The following ENOX1 variants were observed in gnomAD, a reference collection of about 807,000 sequenced individuals.
The protein encoded by ENOX1 is ecto-NOX disulfide-thiol exchanger 1.
Under a neutral mutation model 82.5 loss-of-function variants are expected in ENOX1, and 42 were observed. That is an observed-to-expected ratio of 0.51 (90% confidence interval 0.40 to 0.66). ENOX1 has a LOEUF of 0.66. Among genes scored for constraint, ENOX1 ranks in the 30% least tolerant of loss-of-function variants. ENOX1 has a pLI of 0.00. For synonymous variants in ENOX1, 271 were observed against 282.2 expected (o/e 0.96, Z 0.40); for missense variants, 608 against 811.6 (o/e 0.75, Z 3.05).
At chr13:43,366,368 G>A (rs1193761454) in intron 5 of ENOX1, among the ~76,000 whole-genome samples, 1 of 151,972 alleles carries the variant, frequency 6.6e-6, no homozygotes, top group African/African-American at 2.4e-5. Flanking sequence ...TCCGCCTCCT[G>A]GGTTCATGCC....
intron 3 of ENOX1, among the ~76,000 whole-genome samples, chr13:43,477,964 G>C (rs2058354433): frequency 6.6e-6 from 1 of 151,872 alleles, no homozygotes; most frequent in Non-Finnish European, 1.5e-5. Flanking sequence ...ACTGGGTGCT[G>C]GGGGACTCCA....
intron 2 of ENOX1, among the ~76,000 whole-genome samples, chr13:43,586,119 C>T (rs1012365595): frequency 2.0e-5 from 3 of 152,192 alleles, no homozygotes; most frequent in Non-Finnish European, 2.9e-5. Context: ...GAGAAAACTT[C>T]AGCCTGTGGC....
chr13:43,606,350 T>A (rs553448410), intron 2 of ENOX1, among the ~76,000 whole-genome samples: 2 of 152,306 alleles, frequency 1.3e-5, no homozygotes, highest in African/African-American at 4.8e-5. Context: ...CAAAGAGATA[T>A]CTGCACTCTC....
rs373461652 is a variant in ENOX1 at position 43,224,024 on chromosome 13, C to T, written c.1800+29G>A. ...CAATCAACATGCTAAATTTGAGCAA[C>T]GAAAGTTCACTCGAGCAAAATAATT... On this transcript the variant is annotated intron_variant, in intron 16 of 16. Coordinates refer to ENST00000690772, the MANE Select transcript of ENOX1 (RefSeq NM_001347969.2). 649 of 1,575,654 alleles carry T rather than the reference C, an allele frequency of 4.1e-4. 8 individuals carry two copies. In the South Asian group the frequency reaches 6.5e-3, roughly 16 times the overall value.
rs575501408 is a variant in ENOX1 at position 43,749,427 on chromosome 13, T to G, written c.-285+37225A>C. On this transcript the variant is annotated intron_variant, in intron 1 of 16. Transcript: ENST00000690772. Reference sequence around the variant, plus strand: ...TATGAATTACAGGAATAAACATAATTTTGCTTTTTTACCTTTGAACAGGTA... The same window carrying G: ...TATGAATTACAGGAATAAACATAATGTTGCTTTTTTACCTTTGAACAGGTA... Among the ~76,000 whole-genome samples the G allele has an allele frequency of 9.2e-5, 14 of 152,322 alleles. No individual in the cohort carries two copies. In the East Asian group the frequency reaches 2.5e-3, roughly 27 times the overall value.
chr13:43,650,701 G>A (rs775345519), intron 2 of ENOX1, among the ~76,000 whole-genome samples: 6 of 152,130 alleles, frequency 3.9e-5, no homozygotes, highest in East Asian at 1.9e-4. Flanking sequence ...AACCAGGCAC[G>A]GTGGTGGGCA....
At chr13:43,524,210 G>A (rs934531233) in intron 2 of ENOX1, among the ~76,000 whole-genome samples, 2 of 152,050 alleles carry the variant, frequency 1.3e-5, no homozygotes, top group African/African-American at 2.4e-5. Flanking sequence ...CTCACCCCAT[G>A]GTCTTCATAG....
intron 2 of ENOX1, among the ~76,000 whole-genome samples, chr13:43,640,152 G>T (rs918732868): frequency 6.6e-6 from 1 of 152,132 alleles, no homozygotes; most frequent in Non-Finnish European, 1.5e-5. Flanking sequence ...GGTAAAAGTA[G>T]ATTATATACT....
intron 14 of ENOX1, among the ~76,000 whole-genome samples, chr13:43,247,862 T>TAC (rs2043196895): frequency 5.8e-4 from 2 of 3,474 alleles, no homozygotes; most frequent in Non-Finnish European, 1.2e-3. Context: ...TATATATATA[T>TAC]ATATATATAT....
chr13:43,550,717 T>A (rs1337820409), intron 2 of ENOX1, among the ~76,000 whole-genome samples: 4 of 152,178 alleles, frequency 2.6e-5, no homozygotes, highest in East Asian at 1.9e-4. Context: ...CCCATGATAA[T>A]GTGCTCAAAA....
At chr13:43,377,960 A>G (rs535051008) in intron 5 of ENOX1, among the ~76,000 whole-genome samples, 1 of 152,318 alleles carries the variant, frequency 6.6e-6, no homozygotes, top group African/African-American at 2.4e-5. Flanking sequence ...GTCAGTGCCC[A>G]AGACCTATCA....
chr13:43,644,982 G>GACC (rs1566697137), intron 2 of ENOX1, among the ~76,000 whole-genome samples: 1 of 152,170 alleles, frequency 6.6e-6, no homozygotes, highest in African/African-American at 2.4e-5. Flanking sequence ...TGGGTAGGCA[G>GACC]TGATAGGTCT....
chr13:43,482,001 G>A (rs565896676), intron 3 of ENOX1, among the ~76,000 whole-genome samples: 1 of 152,268 alleles, frequency 6.6e-6, no homozygotes, highest in South Asian at 2.1e-4. Context: ...ATAGACAAGG[G>A]TTAGCAAAGT....
intron 2 of ENOX1, among the ~76,000 whole-genome samples, chr13:43,588,697 AG>A (rs570417641): frequency 7.1e-4 from 108 of 152,258 alleles, no homozygotes; most frequent in Non-Finnish European, 1.2e-3. Flanking sequence ...TTGTTCTTGG[AG>A]GTGAAATTCT....
chr13:43,616,358 C>A (rs1022485500), intron 2 of ENOX1, among the ~76,000 whole-genome samples: 2 of 148,808 alleles, frequency 1.3e-5, no homozygotes, highest in Non-Finnish European at 3.0e-5. Flanking sequence ...GCCGCCACCA[C>A]ACCTGGTTAA....
At chr13:43,517,703 C>T (rs758962503) in intron 2 of ENOX1, among the ~76,000 whole-genome samples, 11 of 152,104 alleles carry the variant, frequency 7.2e-5, no homozygotes, top group Non-Finnish European at 1.5e-4. Context: ...ATGTGTGTGT[C>T]TCCCCAAAAT....
chr13:43,761,539 C>T (rs1184918448), intron 1 of ENOX1, among the ~76,000 whole-genome samples: 1 of 152,216 alleles, frequency 6.6e-6, no homozygotes, highest in African/African-American at 2.4e-5. Flanking sequence ...AATATCAACT[C>T]CCTGCCCACT....
chr13:43,731,204 T>C (rs112648620), intron 1 of ENOX1, among the ~76,000 whole-genome samples: 5 of 152,198 alleles, frequency 3.3e-5, no homozygotes, highest in Admixed American at 2.6e-4. Context: ...GGTAATTACA[T>C]CAATTTGCCA....
rs117371183 is a variant in ENOX1 at position 43,244,253 on chromosome 13, C to T, written c.1612-7515G>A. On this transcript the variant is annotated intron_variant, in intron 14 of 16. Coordinates refer to ENST00000690772, the MANE Select transcript of ENOX1 (RefSeq NM_001347969.2). ...CTGTGAGGACCAAATATAAGTGAGA[C>T]AGCGCTTTCAAAAACTATAAATTTC... Among the ~76,000 whole-genome samples, 1,156 of 151,776 alleles carry T rather than the reference C, an allele frequency of 7.6e-3. 16 individuals carry two copies. The highest frequency in any genetic ancestry group is 0.058 in the East Asian group (299 of 5,166).
Sources: gnomAD v4.1 joint callset for allele counts (sites outside exome capture counted in the v4.1 genomes callset) on GRCh38, gnomAD v4.1.1 for gene constraint, MANE v1.5 for transcripts, NCBI Gene and HGNC (gene_info 2026-07-23, HGNC 2026-07-21) for gene names.